The following NPAP1 variants were observed in gnomAD, a reference collection of about 807,000 sequenced individuals.
NPAP1 encodes nuclear pore associated protein 1.
For synonymous variants in NPAP1, 616 were observed against 581.4 expected (o/e 1.06, Z -0.86); for missense variants, 1,483 against 1,454.5 (o/e 1.02, Z -0.32).
In NPAP1 at chr15:24,681,343, A is replaced by G. The variant is rs1441006583; in HGVS notation, c.*2005A>G. On this transcript the variant is annotated 3_prime_UTR_variant, in exon 1 of 1. Coordinates refer to ENST00000329468, the MANE Select transcript of NPAP1 (RefSeq NM_018958.3). ...ATAAGCTTTTGTTGTAATTTGTTAT[A>G]TACATAGGGATGGATAGACGGATGG... 1 of 166,160 alleles carries G rather than the reference A, an allele frequency of 6.0e-6. No homozygotes were observed. Among genetic ancestry groups the G allele is most frequent in the Non-Finnish European group, 1.5e-5 (1 of 68,104 alleles). The allele number at this position is 166,160 out of a possible 1,614,324, so 10.3% of individuals were successfully genotyped here.
chr15:24,682,929 G>C lies in NPAP1; in HGVS notation c.*3591G>C, dbSNP rs1595618268. On this transcript the variant is annotated 3_prime_UTR_variant, in exon 1 of 1. Coordinates refer to ENST00000329468, the MANE Select transcript of NPAP1 (RefSeq NM_018958.3). The stretch of plus-strand genomic sequence containing the variant: ...TTCCTCCCTATCTAATTAGAAATAA[G>C]TAGTAACTTCTTTTAGAAGCAAAAT... 6.0e-6 allele frequency: 1 copy of C among 167,024 alleles called. No homozygotes were observed. The highest frequency in any genetic ancestry group is 2.4e-5 in the African/African-American group (1 of 41,444). The allele number at this position is 167,024 out of a possible 1,614,324, so 10.3% of individuals were successfully genotyped here.
In NPAP1 at chr15:24,681,524, T is replaced by C. The variant is rs576748678; in HGVS notation, c.*2186T>C. On this transcript the variant is annotated 3_prime_UTR_variant, in exon 1 of 1. Coordinates refer to ENST00000329468, the MANE Select transcript of NPAP1 (RefSeq NM_018958.3). ...AGGTGATTAGGTTTAGATGAAGTCA[T>C]GAAAATGAAACCCCCATGATGGGAT... 6.0e-6 allele frequency: 1 copy of C among 167,064 alleles called. No homozygotes were observed. Among genetic ancestry groups the C allele is most frequent in the Non-Finnish European group, 1.5e-5 (1 of 68,104 alleles). The allele number at this position is 167,064 out of a possible 1,614,324, so 10.3% of individuals were successfully genotyped here. A position where few individuals can be genotyped will look rare whatever the true frequency, so the allele number is the denominator to read the frequency against.
rs1243813241 is a variant in NPAP1, at chr15:24,677,690, G to C, written c.1823G>C (p.Ser608Thr). ...SSLPNSQIHCSAEQRHPGKTS... is the reference protein window; with the variant it reads ...SSLPNSQIHCTAEQRHPGKTS... ...CTCCCAAATTCCCAAATACATTGCA[G>C]TGCAGAGCAGAGGCACCCGGGAAAG... Residue 608 changes from serine (S) to threonine (T), a missense_variant, in exon 1 of 1, where the codon AGT becomes ACT. Coordinates refer to ENST00000329468, the MANE Select transcript of NPAP1 (RefSeq NM_018958.3). 1 of 1,614,184 alleles carries C rather than the reference G, an allele frequency of 6.2e-7. No individual in the cohort carries two copies. Among genetic ancestry groups the C allele is most frequent in the Admixed American group, 1.7e-5 (1 of 60,028 alleles).
chr15:24,679,018 GTTT>G lies in NPAP1; in HGVS notation c.3153_3155del (p.Phe1052del). ...GAGTGGGACACCCAGCACCACTTCT[GTTT>G]TCCCATTTGGTCAGGCAGCCTGGGA... On this transcript the variant is annotated inframe_deletion, in exon 1 of 1. Transcript: ENST00000329468. 6.2e-7 allele frequency: 1 copy of G among 1,614,160 alleles called. No homozygotes were observed.
Position 24,679,377 on chromosome 15 carries a change from T to C in NPAP1, c.*39T>C. On this transcript the variant is annotated 3_prime_UTR_variant, in exon 1 of 1. Transcript: ENST00000329468. The stretch of plus-strand genomic sequence containing the variant: ...TCACCTGATCACACCACATCAGTTG[T>C]GGTTGTAAATACCAGCATTATCCTT... 1 of 1,390,472 alleles carries C rather than the reference T, an allele frequency of 7.2e-7. No homozygotes were observed. The highest frequency in any genetic ancestry group is 1.0e-6 in the Non-Finnish European group (1 of 991,200). The allele number at this position is 1,390,472 out of a possible 1,614,324, so 86.1% of individuals were successfully genotyped here.
chr15:24,681,446 T>C lies in NPAP1; in HGVS notation c.*2108T>C, dbSNP rs1241509908. 1 of 165,454 alleles carries C rather than the reference T, an allele frequency of 6.0e-6. No individual in the cohort carries two copies. The highest frequency in any genetic ancestry group is 2.4e-5 in the African/African-American group (1 of 41,400). 10.2% of individuals were successfully genotyped at this position (165,454 alleles called of 1,614,324 possible). On this transcript the variant is annotated 3_prime_UTR_variant, in exon 1 of 1. Transcript: ENST00000329468. ...ATGTTTGTGTACCCCCAAAAATTGA[T>C]ATTTTGAAGCCTAACTTCCAGTGTG... is the stretch of plus-strand genomic sequence containing the variant.
rs766197616 is a variant in NPAP1, at chr15:24,679,080, A to T, written c.3213A>T (p.Gln1071His). The change falls in exon 1 of 1, where the codon CAA (glutamine) becomes CAT (histidine). Residue 1071 changes from glutamine (Q) to histidine (H), a missense_variant. Physicochemically the swap from Gln to His is conservative, Grantham distance 24. Coordinates refer to ENST00000329468, the MANE Select transcript of NPAP1 (RefSeq NM_018958.3). ...PTGHSMAAAP[Q>H]GASNIPVFGY... Reference sequence around the variant, plus strand: ...GCCACAGCATGGCTGCTGCACCACAAGGGGCTAGCAACATTCCTGTATTTG... The same window carrying T: ...GCCACAGCATGGCTGCTGCACCACATGGGGCTAGCAACATTCCTGTATTTG... The T allele has an allele frequency of 5.0e-6, 8 of 1,614,188 alleles. No homozygotes were observed. The highest frequency in any genetic ancestry group is 5.9e-6 in the Non-Finnish European group (7 of 1,180,026).
rs2048992562 is a variant in NPAP1 at position 24,678,414 on chromosome 15, A to G, written c.2547A>G (p.Arg849=). The G allele has an allele frequency of 6.2e-7, 1 of 1,613,504 alleles. No individual in the cohort carries two copies. Among genetic ancestry groups the G allele is most frequent in the African/African-American group, 1.3e-5 (1 of 74,690 alleles). ...TCTCCAGGAAGGAGGAGTACATCCG[A>G]TTTTATATGGGGCTTCCTGGTTCTG... ...TFVSRKEEYI[R]FYMGLPGSGN... Residue 849 remains arginine (R), a synonymous_variant, in exon 1 of 1, where the codon CGA becomes CGG. Coordinates refer to ENST00000329468, the MANE Select transcript of NPAP1 (RefSeq NM_018958.3).
chr15:24,677,540 C>A lies in NPAP1; in HGVS notation c.1673C>A (p.Thr558Lys), dbSNP rs1043881755. Residue 558 changes from threonine (T) to lysine (K), a missense_variant, in exon 1 of 1, where the codon ACA becomes AAA. By Grantham distance (78) the Thr-to-Lys change is moderately conservative. Coordinates refer to ENST00000329468, the MANE Select transcript of NPAP1 (RefSeq NM_018958.3). ...MNSTSVISTV[T>K]TNASAHLTSQ... Reference sequence around the variant, plus strand: ...TCCACGTCAGTCATTTCCACTGTCACAACAAACGCATCTGCCCACCTAACC... The same window carrying A: ...TCCACGTCAGTCATTTCCACTGTCAAAACAAACGCATCTGCCCACCTAACC... 1.1e-5 allele frequency: 18 copies of A among 1,614,042 alleles called. No homozygotes were observed. Among genetic ancestry groups the A allele is most frequent in the Admixed American group, 8.3e-5 (5 of 59,990 alleles).
rs748625501 is a variant in NPAP1, at chr15:24,675,973, G to T, written c.106G>T (p.Gly36Cys). Residue 36 changes from glycine to cysteine, a missense_variant, in exon 1 of 1, where the codon GGT (glycine) becomes TGT (cysteine). Physicochemically the swap from Gly to Cys is radical, Grantham distance 159. Transcript: ENST00000329468. Reference protein sequence around the residue: ...APLSRDASPPGRAHSVPTPRP... With the variant: ...APLSRDASPPCRAHSVPTPRP... ...CCTGTCCCGGGACGCCTCCCCGCCC[G>T]GTCGGGCTCACTCTGTACCCACCCC... 1 of 1,594,050 alleles carries T rather than the reference G, an allele frequency of 6.3e-7. No homozygotes were observed. Among genetic ancestry groups the T allele is most frequent in the South Asian group, 1.1e-5 (1 of 89,326 alleles).
In NPAP1 at chr15:24,675,904, C is replaced by A. The variant is rs770374390; in HGVS notation, c.37C>A (p.Arg13Ser). ...ACTTAGTAAATTTAGACCCGGGTGCCGCCGCCGGCCCCTGCCAGGGCCAGG... is the reference window on the plus strand; with the variant it reads ...ACTTAGTAAATTTAGACCCGGGTGCAGCCGCCGGCCCCTGCCAGGGCCAGG... ...NLLSKFRPGCRRRPLPGPGRG... is the reference protein window; with the variant it reads ...NLLSKFRPGCSRRPLPGPGRG... The change falls in exon 1 of 1, where the codon CGC becomes AGC. Residue 13 changes from arginine (R) to serine (S), a missense_variant. Transcript: ENST00000329468. The A allele has an allele frequency of 6.3e-7, 1 of 1,577,792 alleles. No homozygotes were observed. The highest frequency in any genetic ancestry group is 8.6e-7 in the Non-Finnish European group (1 of 1,165,710).
At position 24,677,173 on chromosome 15, in the gene NPAP1, C is replaced by A. The variant is rs1232098324; in HGVS notation, c.1306C>A (p.Pro436Thr). Reference protein sequence around the residue: ...IPDLADLATGPLILPIPPLST... With the variant: ...IPDLADLATGTLILPIPPLST... ...TGACTTGGCTGACCTGGCTACTGGA[C>A]CCCTCATCCTGCCTATCCCTCCACT... The change falls in exon 1 of 1, where the codon CCC becomes ACC. Residue 436 changes from proline to threonine, a missense_variant. Coordinates refer to ENST00000329468, the MANE Select transcript of NPAP1 (RefSeq NM_018958.3). The A allele has an allele frequency of 6.2e-7, 1 of 1,614,032 alleles. No homozygotes were observed. The highest frequency in any genetic ancestry group is 2.2e-5 in the East Asian group (1 of 44,848).
rs2048982378 is a variant in NPAP1, at chr15:24,677,161, C to G, written c.1294C>G (p.Leu432Val). ...TTTGCCCATCCCTGACTTGGCTGAC[C>G]TGGCTACTGGACCCCTCATCCTGCC... ...APLPIPDLAD[L>V]ATGPLILPIP... The change falls in exon 1 of 1, where the codon CTG becomes GTG. Residue 432 changes from leucine (L) to valine (V), a missense_variant. Physicochemically the swap from Leu to Val is conservative, Grantham distance 32 (BLOSUM62 1). Coordinates refer to ENST00000329468, the MANE Select transcript of NPAP1 (RefSeq NM_018958.3). The G allele has an allele frequency of 6.2e-7, 1 of 1,614,100 alleles. No individual in the cohort carries two copies. Among genetic ancestry groups the G allele is most frequent in the Non-Finnish European group, 8.5e-7 (1 of 1,180,026 alleles).
rs2141309838 is a variant in NPAP1, at chr15:24,677,206, A to C, written c.1339A>C (p.Thr447Pro). ...LILPIPPLSTTPKMDEKIAFT... is the reference protein window; with the variant it reads ...LILPIPPLSTPPKMDEKIAFT... ...CCTGCCTATCCCTCCACTTTCCACC[A>C]CACCAAAAATGGATGAGAAAATAGC... Residue 447 changes from threonine (T) to proline (P), a missense_variant, in exon 1 of 1, where the codon ACA becomes CCA. Transcript: ENST00000329468. The C allele has an allele frequency of 1.2e-6, 2 of 1,613,888 alleles. No homozygotes were observed. Among genetic ancestry groups the C allele is most frequent in the Non-Finnish European group, 1.7e-6 (2 of 1,179,976 alleles).
In NPAP1 at chr15:24,676,717, G is replaced by A. The variant is rs2048978627; in HGVS notation, c.850G>A (p.Glu284Lys). The A allele has an allele frequency of 1.2e-6, 2 of 1,614,096 alleles. No homozygotes were observed. The highest frequency in any genetic ancestry group is 1.7e-6 in the Non-Finnish European group (2 of 1,180,048). The change falls in exon 1 of 1, where the codon GAG (glutamate) becomes AAG (lysine). Residue 284 changes from glutamate (E) to lysine (K), a missense_variant. Physicochemically the swap from Glu to Lys is moderately conservative, Grantham distance 56. Transcript: ENST00000329468. Reference protein sequence around the residue: ...QKLAAEVLNEEPPPSSLGLPI... With the variant: ...QKLAAEVLNEKPPPSSLGLPI... ...GTTGGCTGCGGAAGTGCTGAATGAAGAGCCACCGCCCAGCTCCCTAGGCTT... is the reference window on the plus strand; with the variant it reads ...GTTGGCTGCGGAAGTGCTGAATGAAAAGCCACCGCCCAGCTCCCTAGGCTT...
chr15:24,681,462 T>G lies in NPAP1; in HGVS notation c.*2124T>G, dbSNP rs1276836836. 6.0e-6 allele frequency: 1 copy of G among 166,100 alleles called. No individual in the cohort carries two copies. The highest frequency in any genetic ancestry group is 2.4e-5 in the African/African-American group (1 of 41,446). The allele number at this position is 166,100 out of a possible 1,614,324, so 10.3% of individuals were successfully genotyped here. On this transcript the variant is annotated 3_prime_UTR_variant, in exon 1 of 1. Coordinates refer to ENST00000329468, the MANE Select transcript of NPAP1 (RefSeq NM_018958.3). Reference sequence around the variant, plus strand: ...AAAAATTGATATTTTGAAGCCTAACTTCCAGTGTGATGGTATTAGGAGGTG... The same window carrying G: ...AAAAATTGATATTTTGAAGCCTAACGTCCAGTGTGATGGTATTAGGAGGTG...
rs1055059084 is a variant in NPAP1, at chr15:24,682,604, T to C, written c.*3266T>C. 6 of 167,086 alleles carry C rather than the reference T, an allele frequency of 3.6e-5. No individual in the cohort carries two copies. In the East Asian group the frequency reaches 9.6e-4, roughly 27 times the overall value. The allele number at this position is 167,086 out of a possible 1,614,324, so 10.4% of individuals were successfully genotyped here. A position where few individuals can be genotyped will look rare whatever the true frequency, so the allele number is the denominator to read the frequency against. On this transcript the variant is annotated 3_prime_UTR_variant, in exon 1 of 1. Coordinates refer to ENST00000329468, the MANE Select transcript of NPAP1 (RefSeq NM_018958.3). ...CTACCACAGTTCCCTCCTCCAGAGA[T>C]AGTGTTTAGCTACTTTGATGTCACT... is the stretch of plus-strand genomic sequence containing the variant.
At position 24,678,142 on chromosome 15, in the gene NPAP1, G is replaced by A. The variant is rs376409389; in HGVS notation, c.2275G>A (p.Ala759Thr). The A allele has an allele frequency of 1.2e-6, 2 of 1,610,320 alleles. No homozygotes were observed. Among genetic ancestry groups the A allele is most frequent in the African/African-American group, 2.7e-5 (2 of 73,674 alleles). The change falls in exon 1 of 1, where the codon GCT (alanine) becomes ACT (threonine). Residue 759 changes from alanine to threonine, a missense_variant. By Grantham distance (58) the Ala-to-Thr change is moderately conservative. Transcript: ENST00000329468. Reference sequence around the variant, plus strand: ...ACAGTCAGTCAGGGCACCAGCTACAGCTTCCAACCATCCTTTAAATCCAGG... The same window carrying A: ...ACAGTCAGTCAGGGCACCAGCTACAACTTCCAACCATCCTTTAAATCCAGG... The part of the protein sequence containing the change: ...PAQSVRAPAT[A>T]SNHPLNPGAT...
In NPAP1 at chr15:24,681,945, T is replaced by C. The variant is rs1645441559; in HGVS notation, c.*2607T>C. On this transcript the variant is annotated 3_prime_UTR_variant, in exon 1 of 1. Transcript: ENST00000329468. The stretch of plus-strand genomic sequence containing the variant: ...AAATAGAAGAATAGAAGAACCCCCT[T>C]TTTTTTTTGAGATGGAGTCTTGCTC... 1.2e-5 allele frequency: 2 copies of C among 165,114 alleles called. No homozygotes were observed. Among genetic ancestry groups the C allele is most frequent in the Non-Finnish European group, 3.0e-5 (2 of 67,602 alleles). 10.2% of individuals were successfully genotyped at this position (165,114 alleles called of 1,614,324 possible). A position where few individuals can be genotyped will look rare whatever the true frequency, so the allele number is the denominator to read the frequency against.
Sources: allele counts gnomAD v4.1 joint callset, GRCh38; gene constraint gnomAD v4.1.1; transcripts MANE v1.5; gene names NCBI Gene and HGNC (gene_info 2026-07-23, HGNC 2026-07-21).